PAK1: variants seen among roughly 807,000 people sequenced by gnomAD.
PAK1 encodes the protein serine/threonine-protein kinase PAK 1.
PAK1 carries 29 observed loss-of-function variants against 67.4 expected under a neutral mutation model. The ratio of observed to expected loss-of-function variants is 0.43; its 90% confidence interval spans 0.32 to 0.59. PAK1 has a LOEUF of 0.59. Ranked by LOEUF, PAK1 falls within the 20% of genes least tolerant of loss-of-function variation. The pLI is 0.07. For missense variants in PAK1, 337 were observed against 670.7 expected (o/e 0.50, Z 5.50); for synonymous variants, 223 against 237.4 (o/e 0.94, Z 0.56).
At chr11:77,415,470 A>G (rs1240357417) in intron 1 of PAK1, among the ~76,000 whole-genome samples, 1 of 152,208 alleles carries the variant, frequency 6.6e-6, no homozygotes, top group African/African-American at 2.4e-5. Context: ...CACCTAGCCT[A>G]TATGGTATAG....
At position 77,379,298 on chromosome 11, in the gene PAK1, A is replaced by G; in HGVS notation, c.382T>C (p.Leu128=). The change falls in exon 4 of 15, where the codon TTG becomes CTG. Residue 128 remains leucine, a synonymous_variant. Transcript: ENST00000356341. ...KKNPQAVLDV[L]EFYNSKKTSN... is the part of the protein sequence containing the mutation. ...GTCTTCTTCGAGTTGTAAAACTCCA[A>G]CACATCCAGAACAGCCTGCGGGTTT... The G allele has an allele frequency of 6.2e-7, 1 of 1,613,996 alleles. No individual in the cohort carries two copies.
the PAK1 span, among the ~76,000 whole-genome samples, chr11:77,513,763 G>C: frequency 6.6e-6 from 1 of 150,626 alleles, no homozygotes; most frequent in African/African-American, 2.4e-5. Context: ...ACCCAGATCA[G>C]AGTCTTTGTG....
chr11:77,472,430 G>A (rs1957906670), intron 1 of PAK1, among the ~76,000 whole-genome samples: 3 of 152,344 alleles, frequency 2.0e-5, no homozygotes, highest in Non-Finnish European at 4.4e-5. Context: ...TCTGTAAGAG[G>A]AGAGACAGGA....
chr11:77,513,644 C>A, the PAK1 span, among the ~76,000 whole-genome samples: 910 of 127,310 alleles, frequency 7.1e-3, 9 homozygotes, highest in African/African-American at 0.027. Context: ...GCACTCCAGC[C>A]TGGGCAACAA....
chr11:77,426,600 T>G (rs1056428770), intron 1 of PAK1, among the ~76,000 whole-genome samples: 3 of 152,176 alleles, frequency 2.0e-5, no homozygotes, highest in African/African-American at 7.2e-5. Context: ...AAAGCTTTCC[T>G]TCCTCTTCAG....
At position 77,358,887 on chromosome 11, in the gene PAK1, C is replaced by A. The variant is rs1163249188; in HGVS notation, c.597+11G>T. On this transcript the variant is annotated intron_variant, in intron 6 of 14. Coordinates refer to ENST00000356341, the MANE Select transcript of PAK1 (RefSeq NM_002576.5). The stretch of plus-strand genomic sequence containing the variant: ...TAAATCACAAAACTGGCCAGGTCCC[C>A]AAAGACTCACAGATTTTGTGTGCTC... The A allele has an allele frequency of 6.2e-7, 1 of 1,613,360 alleles. No homozygotes were observed. The highest frequency in any genetic ancestry group is 1.1e-5 in the South Asian group (1 of 91,018).
At chr11:77,509,601 T>G in the PAK1 span, among the ~76,000 whole-genome samples, 1 of 152,190 alleles carries the variant, frequency 6.6e-6, no homozygotes, top group Non-Finnish European at 1.5e-5. Context: ...CATGTTGAAT[T>G]GTAATCCCCA....
At chr11:77,325,423 G>T in intron 14 of PAK1, 2 of 1,599,496 alleles carry the variant, frequency 1.3e-6, no homozygotes, top group South Asian at 1.1e-5. Context: ...TTGTTGTAAA[G>T]GACAATATAT....
chr11:77,523,061 G>A, the PAK1 span, among the ~76,000 whole-genome samples: 1 of 152,140 alleles, frequency 6.6e-6, no homozygotes, highest in African/African-American at 2.4e-5. Flanking sequence ...AGACACTTCA[G>A]GCTACTAGAC....
At chr11:77,511,318 C>T in the PAK1 span, among the ~76,000 whole-genome samples, 1 of 152,210 alleles carries the variant, frequency 6.6e-6, no homozygotes, top group African/African-American at 2.4e-5. Context: ...AATGATTTGT[C>T]TCTAAGATCT....
Position 77,361,830 on chromosome 11 carries a change from T to C in PAK1, c.478-2813A>G, listed in dbSNP as rs1162871953. ...TGAAATGTTGTATGAATAGCACTTT[T>C]ATTCATCATATGTTCATACATATAT... On this transcript the variant is annotated intron_variant, in intron 5 of 14. Transcript: ENST00000356341. 2.0e-5 allele frequency among the ~76,000 whole-genome samples: 3 copies of C among 152,178 alleles called. No individual in the cohort carries two copies. In the East Asian group the frequency reaches 5.8e-4, roughly 29 times the overall value.
intron 1 of PAK1, among the ~76,000 whole-genome samples, chr11:77,449,797 T>C (rs1167124448): frequency 6.6e-6 from 1 of 152,004 alleles, no homozygotes; most frequent in Non-Finnish European, 1.5e-5. Flanking sequence ...ATTCCCCTAT[T>C]CTATCTAGGA....
intron 1 of PAK1, among the ~76,000 whole-genome samples, chr11:77,396,495 G>A (rs921382113): frequency 6.6e-6 from 1 of 152,034 alleles, no homozygotes. Flanking sequence ...TGTATTTCTC[G>A]ATCTGCAACA....
At chr11:77,472,703 G>A (rs57440754) in intron 1 of PAK1, among the ~76,000 whole-genome samples, 9,536 of 152,238 alleles carry the variant, frequency 0.063, 663 homozygotes, top group East Asian at 0.24. Context: ...ATTAAAGATT[G>A]TTCTCAGGAA....
the PAK1 span, among the ~76,000 whole-genome samples, chr11:77,499,659 C>T: frequency 6.6e-6 from 1 of 152,044 alleles, no homozygotes; most frequent in Admixed American, 6.6e-5. Flanking sequence ...TTCGTTATAC[C>T]TTTATTACAC....
At chr11:77,359,553 A>C (rs1946500525) in intron 5 of PAK1, among the ~76,000 whole-genome samples, 2 of 152,128 alleles carry the variant, frequency 1.3e-5, no homozygotes, top group Non-Finnish European at 2.9e-5. Context: ...TCCTCACCTC[A>C]ACCTGAAGAT....
rs74808113 is a variant in PAK1 at position 77,350,332 on chromosome 11, G to A, written c.837-1045C>T. Among the ~76,000 whole-genome samples the A allele has an allele frequency of 3.9e-5, 6 of 152,220 alleles. No homozygotes were observed. The East Asian group carries it at 1.2e-3, about 29-fold the overall frequency. On this transcript the variant is annotated intron_variant, in intron 8 of 14. Coordinates refer to ENST00000356341, the MANE Select transcript of PAK1 (RefSeq NM_002576.5). The stretch of plus-strand genomic sequence containing the variant: ...TCTGCCCCACCCCCAAGGTAAGAAT[G>A]ACCCCACTTGACACATGTGTGTACA...
intron 1 of PAK1, among the ~76,000 whole-genome samples, chr11:77,425,562 A>G (rs1336104784): frequency 3.3e-5 from 5 of 152,142 alleles, no homozygotes; most frequent in African/African-American, 9.7e-5. Flanking sequence ...CACTCCCACC[A>G]CAGCCACCAT....
At chr11:77,350,633 A>G (rs1945110138) in intron 8 of PAK1, among the ~76,000 whole-genome samples, 1 of 152,170 alleles carries the variant, frequency 6.6e-6, no homozygotes, top group Non-Finnish European at 1.5e-5. Flanking sequence ...ACTGCTTCCT[A>G]GGCAAGCCCT....
Sources: allele counts gnomAD v4.1 joint callset (sites outside exome capture counted in the v4.1 genomes callset), GRCh38; gene constraint gnomAD v4.1.1; transcripts MANE v1.5; gene names NCBI Gene and HGNC (gene_info 2026-07-23, HGNC 2026-07-21).